Variants in DAB1 observed in about 807,000 individuals in gnomAD.
DAB1 encodes DAB adaptor protein 1.
In DAB1, 15 loss-of-function variants were observed where a neutral mutation model predicts 64.6. The observed-to-expected ratio is 0.23, with a 90% CI of 0.16 to 0.36. The LOEUF (loss-of-function observed/expected upper bound fraction) is 0.36. DAB1 is among the 10% of genes least tolerant of loss of function. The probability of loss-of-function intolerance (pLI) is 1.00; values close to 1 mark genes in which losing one functional copy is unlikely to be tolerated. For synonymous variants in DAB1, 235 were observed against 251.9 expected, an observed-to-expected ratio of 0.93 and a Z score of 0.64; for missense variants, 596 against 706.7, an observed-to-expected ratio of 0.84 and a Z score of 1.78.
chr1:57,182,621 A>G (rs1663095291), intron 2 of DAB1, among the ~76,000 whole-genome samples: 1 of 152,198 alleles, frequency 6.6e-6, no homozygotes, highest in South Asian at 2.1e-4. Context: ...CAGTGTTAAG[A>G]GATAGTATAA....
At chr1:57,329,775 A>G (rs1350109813) in intron 1 of DAB1, among the ~76,000 whole-genome samples, 2 of 152,162 alleles carry the variant, frequency 1.3e-5, no homozygotes, top group African/African-American at 4.8e-5. Context: ...GCAGAGGAAG[A>G]TTCCTGACTG....
intron 2 of DAB1, among the ~76,000 whole-genome samples, chr1:57,168,333 T>C (rs533576043): frequency 6.6e-6 from 1 of 152,292 alleles, no homozygotes; most frequent in East Asian, 1.9e-4. Context: ...GAGATGGAGG[T>C]GAACCCAATA....
intron 5 of DAB1, among the ~76,000 whole-genome samples, chr1:58,091,620 A>G (rs924578384): frequency 1.3e-5 from 2 of 152,166 alleles, no homozygotes; most frequent in African/African-American, 4.8e-5. Context: ...TATCATTACC[A>G]GGCATTACAG....
chr1:57,138,896 A>G (rs145997176), intron 3 of DAB1, among the ~76,000 whole-genome samples: 1 of 152,182 alleles, frequency 6.6e-6, no homozygotes, highest in African/African-American at 2.4e-5. Flanking sequence ...ACAAAAGTTC[A>G]GTTGTGCATG....
intron 7 of DAB1, among the ~76,000 whole-genome samples, chr1:57,471,601 A>G (rs920834859): frequency 6.6e-6 from 1 of 152,186 alleles, no homozygotes; most frequent in Admixed American, 6.5e-5. Flanking sequence ...AAGTCTCACA[A>G]GATCTGTTGG....
intron 7 of DAB1, among the ~76,000 whole-genome samples, chr1:57,483,444 G>A (rs1451087807): frequency 3.3e-5 from 5 of 152,118 alleles, no homozygotes; most frequent in Non-Finnish European, 7.4e-5. Flanking sequence ...CATGTAAGAT[G>A]TGCTTTCACC....
At chr1:57,489,076 T>C (rs1159132087) in intron 7 of DAB1, among the ~76,000 whole-genome samples, 1 of 152,234 alleles carries the variant, frequency 6.6e-6, no homozygotes, top group Non-Finnish European at 1.5e-5. Context: ...CCTTTGACTC[T>C]CTGGGCCTCC....
chr1:58,136,681 T>C (rs986368836), intron 5 of DAB1, among the ~76,000 whole-genome samples: 11 of 152,226 alleles, frequency 7.2e-5, no homozygotes, highest in South Asian at 2.1e-4. Context: ...CCTGAACTGA[T>C]AGCATCTCTG....
At chr1:57,811,332 G>A (rs1651611342) in intron 6 of DAB1, among the ~76,000 whole-genome samples, 1 of 152,158 alleles carries the variant, frequency 6.6e-6, no homozygotes, top group Non-Finnish European at 1.5e-5. Context: ...AATCCCCCTT[G>A]GTGCTGTTCT....
At chr1:57,609,165 T>G (rs934804961) in intron 7 of DAB1, among the ~76,000 whole-genome samples, 1 of 152,106 alleles carries the variant, frequency 6.6e-6, no homozygotes, top group Non-Finnish European at 1.5e-5. Flanking sequence ...GAAGCTTTCC[T>G]GAAATAATAA....
At chr1:57,750,515 A>C (rs1300931509) in intron 6 of DAB1, among the ~76,000 whole-genome samples, 1 of 152,142 alleles carries the variant, frequency 6.6e-6, no homozygotes, top group Non-Finnish European at 1.5e-5. Flanking sequence ...ACTTCACACT[A>C]TTGTAATAAA....
At chr1:57,828,211 C>G (rs1163315137) in intron 1 of DAB1, among the ~76,000 whole-genome samples, 1 of 152,222 alleles carries the variant, frequency 6.6e-6, no homozygotes, top group Non-Finnish European at 1.5e-5. Flanking sequence ...TTCCAAAGTG[C>G]TGGGATTACA....
intron 7 of DAB1, among the ~76,000 whole-genome samples, chr1:57,480,617 TG>T (rs1329546505): frequency 6.6e-6 from 1 of 152,088 alleles, no homozygotes; most frequent in Non-Finnish European, 1.5e-5. Context: ...CCCAAGGAGC[TG>T]GGATTACAGG....
chr1:57,698,652 A>T (rs1033745512), intron 6 of DAB1, among the ~76,000 whole-genome samples: 1 of 152,190 alleles, frequency 6.6e-6, no homozygotes, highest in Admixed American at 6.5e-5. Flanking sequence ...GAGAGAAATG[A>T]TTGAATAAAT....
intron 1 of DAB1, among the ~76,000 whole-genome samples, chr1:57,373,637 G>A (rs920000431): frequency 6.6e-6 from 1 of 152,138 alleles, no homozygotes; most frequent in Non-Finnish European, 1.5e-5. Context: ...TTTATTATCT[G>A]TGATCTGTTG....
intron 5 of DAB1, among the ~76,000 whole-genome samples, chr1:57,945,006 T>C (rs1277151288): frequency 6.6e-6 from 1 of 152,188 alleles, no homozygotes; most frequent in East Asian, 1.9e-4. Flanking sequence ...GTCTTATAGG[T>C]ACTTGCTCCA....
At chr1:58,282,506 TA>T (rs1264534055) in intron 4 of DAB1, among the ~76,000 whole-genome samples, 1 of 152,216 alleles carries the variant, frequency 6.6e-6, no homozygotes, top group African/African-American at 2.4e-5. Flanking sequence ...AGCACTCTTT[TA>T]TTTGAAATTA....
chr1:57,469,132 GCAGA>G (rs1016583760), intron 7 of DAB1, among the ~76,000 whole-genome samples: 2 of 152,164 alleles, frequency 1.3e-5, no homozygotes, highest in African/African-American at 4.8e-5. Context: ...AAAATGGAAG[GCAGA>G]CAAATAAACC....
At chr1:57,507,439 G>T (rs891836099) in intron 7 of DAB1, among the ~76,000 whole-genome samples, 3 of 152,100 alleles carry the variant, frequency 2.0e-5, no homozygotes, top group African/African-American at 7.2e-5. Context: ...CACCATTTCA[G>T]TGCACGTTCT....
Sources: gnomAD v4.1 joint callset for allele counts (sites outside exome capture counted in the v4.1 genomes callset) on GRCh38, gnomAD v4.1.1 for gene constraint, MANE v1.5 for transcripts, NCBI Gene and HGNC (gene_info 2026-07-23, HGNC 2026-07-21) for gene names.